AUTS2: variants seen among roughly 807,000 people sequenced by gnomAD.
AUTS2 encodes the protein activator of transcription and developmental regulator AUTS2.
Under a neutral mutation model 112.4 loss-of-function variants are expected in AUTS2, and 17 were observed. The ratio of observed to expected loss-of-function variants is 0.15; its 90% CI spans 0.10 to 0.23. The LOEUF is 0.23. Ranked by LOEUF, AUTS2 falls within the 10% of genes least tolerant of loss-of-function variation. The pLI is 1.00. For synonymous variants in AUTS2, 751 were observed against 702.7 expected, an observed-to-expected ratio of 1.07 and a Z score of -1.09; for missense variants, 1,510 against 1,701.6, an observed-to-expected ratio of 0.89 and a Z score of 1.98.
intron 5 of AUTS2, among the ~76,000 whole-genome samples, chr7:70,510,844 T>G (rs1220386837): frequency 6.6e-6 from 1 of 151,930 alleles, no homozygotes; most frequent in African/African-American, 2.4e-5. Context: ...TTATTTTTAT[T>G]TATTTATTTA....
rs185209910 is a variant in AUTS2, at chr7:69,607,958, G to C, written c.309+7996G>C. On this transcript the variant is annotated intron_variant, in intron 1 of 18. Coordinates refer to ENST00000342771, the MANE Select transcript of AUTS2 (RefSeq NM_015570.4). Reference sequence around the variant, plus strand: ...TCTTTTATTTTGTTTTTTTGAGACAGTGTCTTTCTTTGGTTGCCCAGGCTG... The same window carrying C: ...TCTTTTATTTTGTTTTTTTGAGACACTGTCTTTCTTTGGTTGCCCAGGCTG... Among the ~76,000 whole-genome samples, 739 of 152,222 alleles carry C rather than the reference G, an allele frequency of 4.9e-3. 29 individuals are homozygous for C. Among genetic ancestry groups the C allele is most frequent in the Non-Finnish European group, 9.7e-4 (66 of 68,010 alleles).
At chr7:69,731,632 T>G (rs540193003) in intron 1 of AUTS2, among the ~76,000 whole-genome samples, 1 of 152,264 alleles carries the variant, frequency 6.6e-6, no homozygotes, top group African/African-American at 2.4e-5. Context: ...ACAGAATGGG[T>G]TTTTAAATGT....
chr7:70,187,810 T>G, intron 4 of AUTS2, among the ~76,000 whole-genome samples: 1 of 137,686 alleles, frequency 7.3e-6, no homozygotes. Context: ...ACGGAGTCAC[T>G]AGTCTTCTTT....
At chr7:69,716,889 C>T (rs1431921870) in intron 1 of AUTS2, among the ~76,000 whole-genome samples, 2 of 152,112 alleles carry the variant, frequency 1.3e-5, no homozygotes, top group Non-Finnish European at 2.9e-5. Flanking sequence ...CAGATATGAA[C>T]AGCCAAATGG....
At chr7:70,745,412 G>C (rs1473443516) in intron 6 of AUTS2, among the ~76,000 whole-genome samples, 1 of 152,152 alleles carries the variant, frequency 6.6e-6, no homozygotes, top group Non-Finnish European at 1.5e-5. Context: ...GTTTGACTTT[G>C]TATCAGGTTT....
chr7:70,555,140 G>A (rs753689799), intron 5 of AUTS2, among the ~76,000 whole-genome samples: 5 of 152,158 alleles, frequency 3.3e-5, no homozygotes, highest in Admixed American at 1.3e-4. Context: ...AAAGAACAGT[G>A]GAGACAGAGA....
chr7:70,302,571 C>A (rs961240842), intron 4 of AUTS2, among the ~76,000 whole-genome samples: 1 of 143,176 alleles, frequency 7.0e-6, no homozygotes, highest in African/African-American at 2.7e-5. Flanking sequence ...CCCAAAACCA[C>A]TCTTGAAATC....
At chr7:70,239,683 C>T (rs1312090133) in intron 4 of AUTS2, among the ~76,000 whole-genome samples, 1 of 152,120 alleles carries the variant, frequency 6.6e-6, no homozygotes, top group Non-Finnish European at 1.5e-5. Context: ...GATCTGCCCA[C>T]CTGGGACTCC....
Position 70,032,740 on chromosome 7 carries a change from T to A in AUTS2, c.523-85392T>A, listed in dbSNP as rs1800836358. Among the ~76,000 whole-genome samples the A allele has an allele frequency of 1.3e-5, 2 of 152,198 alleles. 1 individual carries two copies. Among genetic ancestry groups the A allele is most frequent in the Admixed American group, 1.3e-4 (2 of 15,274 alleles). On this transcript the variant is annotated intron_variant, in intron 2 of 18. Transcript: ENST00000342771. ...TGGATGAGCTGTAGGGCTGTGGGCT[T>A]CAGACCCTTTCATAGCTCCCTGTAA...
intron 4 of AUTS2, among the ~76,000 whole-genome samples, chr7:70,230,433 G>C (rs150256482): frequency 8.1e-4 from 124 of 152,260 alleles, no homozygotes; most frequent in African/African-American, 2.9e-3. Context: ...AAATAGTTGA[G>C]TGCTCAGTTA....
At chr7:69,601,430 T>A in intron 1 of AUTS2, among the ~76,000 whole-genome samples, 1 of 152,172 alleles carries the variant, frequency 6.6e-6, no homozygotes, top group South Asian at 2.1e-4. Flanking sequence ...GGTGTCAGCT[T>A]TAAATATTTT....
At position 70,420,063 on chromosome 7, in the gene AUTS2, C is replaced by G. The variant is rs1795152392; in HGVS notation, c.661-15689C>G. ...GTCTCCTGGGGCTATGAGGCGGCTA[C>G]TAAGTGAGCGGCTTTCTACACCAGA... On this transcript the variant is annotated intron_variant, in intron 4 of 18. Transcript: ENST00000342771. Among the ~76,000 whole-genome samples the G allele has an allele frequency of 2.0e-5, 3 of 152,206 alleles. No homozygotes were observed. The South Asian group carries it at 6.2e-4, about 32-fold the overall frequency.
intron 4 of AUTS2, among the ~76,000 whole-genome samples, chr7:70,249,744 A>C (rs763407311): frequency 6.6e-6 from 1 of 152,050 alleles, no homozygotes; most frequent in East Asian, 1.9e-4. Context: ...CTCTGACTCA[A>C]ACTCAGTAAG....
intron 2 of AUTS2, among the ~76,000 whole-genome samples, chr7:69,972,671 A>ATGTGTGTG (rs769055659): frequency 1.2e-5 from 1 of 85,250 alleles, no homozygotes; most frequent in South Asian, 3.4e-4. Context: ...GTGTGCGTGC[A>ATGTGTGTG]TGTGTGTGTG....
At chr7:70,624,245 G>A (rs1268522688) in intron 5 of AUTS2, among the ~76,000 whole-genome samples, 5 of 152,176 alleles carry the variant, frequency 3.3e-5, no homozygotes, top group East Asian at 1.9e-4. Flanking sequence ...TGGAAGAACC[G>A]TGGGACCTCC....
chr7:70,484,641 T>C lies in AUTS2; in HGVS notation c.690+48860T>C, dbSNP rs1797915765. Among the ~76,000 whole-genome samples the C allele has an allele frequency of 2.0e-5, 3 of 152,198 alleles. No individual in the cohort carries two copies. In the South Asian group the frequency reaches 6.2e-4, roughly 32 times the overall value. ...GTAGATGTGAAAGGTCTTCTTGCTCTTTAGAGGCAAGCAGTGTGGTAATGG... is the reference window on the plus strand; with the variant it reads ...GTAGATGTGAAAGGTCTTCTTGCTCCTTAGAGGCAAGCAGTGTGGTAATGG... On this transcript the variant is annotated intron_variant, in intron 5 of 18. Transcript: ENST00000342771.
intron 4 of AUTS2, among the ~76,000 whole-genome samples, chr7:70,269,366 A>G (rs1787578671): frequency 6.6e-6 from 1 of 151,894 alleles, no homozygotes; most frequent in Admixed American, 6.6e-5. Flanking sequence ...GCCTTGAACA[A>G]TTCCTATTAC....
chr7:69,802,299 G>C (rs1442572264), intron 1 of AUTS2, among the ~76,000 whole-genome samples: 2 of 152,156 alleles, frequency 1.3e-5, no homozygotes, highest in Non-Finnish European at 2.9e-5. Flanking sequence ...TTTGTGTTTT[G>C]TTATTTTCTA....
chr7:70,473,101 C>G (rs1021701525), intron 5 of AUTS2, among the ~76,000 whole-genome samples: 1 of 152,102 alleles, frequency 6.6e-6, no homozygotes, highest in African/African-American at 2.4e-5. Context: ...TTTTCATTAT[C>G]CCTGAATAAC....
Sources: allele counts gnomAD v4.1 joint callset (sites outside exome capture counted in the v4.1 genomes callset), GRCh38; gene constraint gnomAD v4.1.1; transcripts MANE v1.5; gene names NCBI Gene and HGNC (gene_info 2026-07-23, HGNC 2026-07-21).